AK6: variants seen among roughly 807,000 people sequenced by gnomAD.
The protein encoded by AK6 is adenylate kinase isoenzyme 6.
In AK6, 24 loss-of-function variants were observed where a neutral mutation model predicts 23.7. The ratio of observed to expected loss-of-function variants is 1.01; its 90% CI spans 0.73 to 1.43. The LOEUF is 1.43. AK6 is among the 40% of genes most tolerant of loss of function. AK6 has a pLI of 0.00. For missense variants in AK6, 191 were observed against 199.1 expected, an observed-to-expected ratio of 0.96 and a Z score of 0.24; for synonymous variants, 73 against 69.8, an observed-to-expected ratio of 1.05 and a Z score of -0.23.
chr5:69,352,579 C>T (rs943402826), intron 4 of AK6, among the ~76,000 whole-genome samples: 1 of 151,984 alleles, frequency 6.6e-6, no homozygotes, highest in African/African-American at 2.4e-5. Context: ...CCAATTAAAA[C>T]TTAAGCAAAG....
chr5:69,353,944 A>AT (rs57731400), intron 4 of AK6, among the ~76,000 whole-genome samples: 129,728 of 151,642 alleles, frequency 0.86, 56,651 homozygotes, highest in Non-Finnish European at 0.95. Context: ...TAAATTTTTT[A>AT]TTTTTTGTAG....
intron 4 of AK6, 63 bp downstream of exon 4, chr5:69,355,586 T>C: frequency 6.7e-7 from 1 of 1,481,822 alleles, no homozygotes; most frequent in Non-Finnish European, 9.1e-7. Context: ...TCATGGCCAA[T>C]TTCAGAAATC....
intron 1 of AK6, among the ~76,000 whole-genome samples, chr5:69,368,103 A>G (rs555687201): frequency 7.9e-5 from 12 of 152,294 alleles, no homozygotes; most frequent in Admixed American, 1.3e-4. Context: ...AGAGATAACC[A>G]CTGTAAACCA....
At chr5:69,365,620 A>AC (rs1762388389) in intron 2 of AK6, 1 of 1,614,000 alleles carries the variant, frequency 6.2e-7, no homozygotes, top group East Asian at 2.2e-5. Context: ...GCAAACTCCA[A>AC]CATCTGATTT....
At position 69,352,119 on chromosome 5, in the gene AK6, T is replaced by G; in HGVS notation, c.461A>C (p.Asn154Thr). 6.2e-7 allele frequency: 1 copy of G among 1,613,680 alleles called. No individual in the cohort carries two copies. The highest frequency in any genetic ancestry group is 8.5e-7 in the Non-Finnish European group (1 of 1,179,820). The change falls in exon 5 of 5, where the codon AAT (asparagine) becomes ACT (threonine). Residue 154 changes from asparagine (N) to threonine (T), a missense_variant. Physicochemically the swap from Asn to Thr is moderately conservative, Grantham distance 65. Coordinates refer to ENST00000380822, the MANE Select transcript of AK6 (RefSeq NM_016283.5). Reference sequence around the variant, plus strand: ...CCATTTCAAGATCTGATCTACATTATTTTCTAGCTCTTCTGGTTTATTACT... The same window carrying G: ...CCATTTCAAGATCTGATCTACATTAGTTTCTAGCTCTTCTGGTTTATTACT... ...LPSNKPEELE[N>T]NVDQILKWIE...
chr5:69,355,638 T>C lies in AK6; in HGVS notation c.326+11A>G. ...TTATGCTTTAAGAATCTAATGTTTTTCCTTTCTTACCTTGTTTCAAGTCTT... is the reference window on the plus strand; with the variant it reads ...TTATGCTTTAAGAATCTAATGTTTTCCCTTTCTTACCTTGTTTCAAGTCTT... On this transcript the variant is annotated intron_variant, in intron 4 of 4. Coordinates refer to ENST00000380822, the MANE Select transcript of AK6 (RefSeq NM_016283.5). 1 of 1,580,008 alleles carries C rather than the reference T, an allele frequency of 6.3e-7. No individual in the cohort carries two copies. Among genetic ancestry groups the C allele is most frequent in the Non-Finnish European group, 8.6e-7 (1 of 1,166,958 alleles).
intron 2 of AK6, among the ~76,000 whole-genome samples, chr5:69,362,539 G>A (rs1762267713): frequency 6.6e-6 from 1 of 152,196 alleles, no homozygotes; most frequent in Non-Finnish European, 1.5e-5. Flanking sequence ...GGTAATCCCA[G>A]CACTTTTGAG....
At chr5:69,362,313 G>A (rs1367898201) in intron 2 of AK6, among the ~76,000 whole-genome samples, 5 of 152,114 alleles carry the variant, frequency 3.3e-5, no homozygotes, top group African/African-American at 1.2e-4. Flanking sequence ...TTCACACATT[G>A]CTATACCCCC....
intron 1 of AK6, 85 bp from the exon 2 acceptor site, chr5:69,366,680 T>G (rs1276522813): frequency 2.0e-6 from 2 of 1,018,294 alleles, no homozygotes; most frequent in South Asian, 2.6e-5. Flanking sequence ...CTTTTATTTT[T>G]GAGACAGAGT....
At chr5:69,365,596 T>C in intron 2 of AK6, 1 of 1,614,158 alleles carries the variant, frequency 6.2e-7, no homozygotes, top group South Asian at 1.1e-5. Context: ...AGAATTGTGG[T>C]CACATATCGG....
intron 2 of AK6, among the ~76,000 whole-genome samples, chr5:69,357,156 C>T (rs770680177): frequency 6.6e-5 from 10 of 152,150 alleles, no homozygotes; most frequent in Admixed American, 2.0e-4. Flanking sequence ...ATGGTCACTG[C>T]GGGGGCAGTC....
At chr5:69,368,223 T>C (rs981515947) in intron 1 of AK6, among the ~76,000 whole-genome samples, 1 of 152,212 alleles carries the variant, frequency 6.6e-6, no homozygotes, top group African/African-American at 2.4e-5. Flanking sequence ...TAAATGACAA[T>C]ACTATATACA....
chr5:69,365,131 T>G (rs955721990), intron 2 of AK6: 1 of 1,614,232 alleles, frequency 6.2e-7, no homozygotes, highest in Non-Finnish European at 8.5e-7. Context: ...GTTGCAGGAA[T>G]TGAAGCTTTT....
chr5:69,369,609 C>G, upstream of AK6: 5 of 1,582,212 alleles, frequency 3.2e-6, no homozygotes, highest in Non-Finnish European at 4.3e-6. Flanking sequence ...AAGCCCACCG[C>G]GGCGCCCCTA....
intron 1 of AK6, 102 bp from the exon 2 acceptor site, chr5:69,366,697 T>A (rs964015013): frequency 3.6e-6 from 3 of 833,794 alleles, no homozygotes; most frequent in African/African-American, 3.4e-5. Flanking sequence ...GAGTCTCACC[T>A]GGCCTCTGCC....
intron 2 of AK6, among the ~76,000 whole-genome samples, chr5:69,359,968 T>C (rs574069971): frequency 6.6e-6 from 1 of 152,290 alleles, no homozygotes; most frequent in East Asian, 1.9e-4. Context: ...GTAAGGAAGA[T>C]AAGGAAACCT....
intron 4 of AK6, among the ~76,000 whole-genome samples, chr5:69,355,039 C>T (rs1762046123): frequency 6.6e-6 from 1 of 152,034 alleles, no homozygotes; most frequent in Non-Finnish European, 1.5e-5. Context: ...CCATGTTAGC[C>T]AGCATGGTCT....
In AK6 at chr5:69,369,470, C is replaced by T; in HGVS notation, c.21G>A (p.Leu7=). The stretch of plus-strand genomic sequence containing the variant: ...CCGGCCGCGCGCCCTGACCGGTGAG[C>T]AGGATGTTCGGAAGCAACATGGTCC... MLLPNI[L]LTGTPGVGKT... is the part of the protein sequence containing the mutation. The change falls in exon 1 of 5, where the codon CTG becomes CTA. Residue 7 remains leucine, a synonymous_variant. Transcript: ENST00000380822. The T allele has an allele frequency of 1.2e-6, 2 of 1,611,032 alleles. No homozygotes were observed. The highest frequency in any genetic ancestry group is 1.7e-4 in the Middle Eastern group (1 of 5,832).
Position 69,364,370 on chromosome 5 carries a change from G to C in AK6, c.121+2133C>G, listed in dbSNP as rs113435078. ...TATAAATTTTTTTTTAAAAAGTGGA[G>C]ACATACTGGGAGACACTAAGGGTCC... On this transcript the variant is annotated intron_variant, in intron 2 of 4. Transcript: ENST00000380822. 1.7e-3 allele frequency among the ~76,000 whole-genome samples: 265 copies of C among 152,022 alleles called. 4 individuals are homozygous for C. Among genetic ancestry groups the C allele is most frequent in the African/African-American group, 6.1e-3 (254 of 41,474 alleles).
Sources: gnomAD v4.1 joint callset for allele counts (sites outside exome capture counted in the v4.1 genomes callset) on GRCh38, gnomAD v4.1.1 for gene constraint, MANE v1.5 for transcripts, NCBI Gene and HGNC (gene_info 2026-07-23, HGNC 2026-07-21) for gene names.